Variants in RNF216 observed in about 807,000 individuals in gnomAD.
RNF216 encodes E3 ubiquitin-protein ligase RNF216.
In RNF216, 72 loss-of-function variants were observed where a neutral mutation model predicts 110.8. That is an observed-to-expected ratio of 0.65 (90% CI 0.54 to 0.79). The LOEUF is 0.79. Among genes scored for constraint, RNF216 ranks in the 30% least tolerant of loss-of-function variants. The pLI, the probability that RNF216 is intolerant of heterozygous loss-of-function variation, is 0.00. For synonymous variants in RNF216, 495 were observed against 407.5 expected (o/e 1.21, Z -2.59); for missense variants, 1,342 against 1,141.2 (o/e 1.18, Z -2.54).
chr7:5,725,976 A>G (rs1019582018), intron 7 of RNF216, among the ~76,000 whole-genome samples: 3 of 152,178 alleles, frequency 2.0e-5, no homozygotes, highest in African/African-American at 7.2e-5. Flanking sequence ...AAGAGTAACT[A>G]GGGAAAAGAA....
intron 13 of RNF216, among the ~76,000 whole-genome samples, chr7:5,656,481 T>C (rs1788752621): frequency 6.6e-6 from 1 of 152,144 alleles, no homozygotes; most frequent in African/African-American, 2.4e-5. Context: ...TCTATCCCCT[T>C]GTGCCTTTCC....
At chr7:5,639,365 A>G (rs897069547) in intron 15 of RNF216, among the ~76,000 whole-genome samples, 1 of 152,088 alleles carries the variant, frequency 6.6e-6, no homozygotes, top group Non-Finnish European at 1.5e-5. Context: ...TGGGCTGTTC[A>G]TCTCTGTACT....
chr7:5,622,612 G>A lies in RNF216; in HGVS notation c.*248C>T. 1 of 497,662 alleles carries A rather than the reference G, an allele frequency of 2.0e-6. No individual in the cohort carries two copies. The highest frequency in any genetic ancestry group is 3.2e-5 in the East Asian group (1 of 31,182). 30.8% of individuals were successfully genotyped at this position (497,662 alleles called of 1,614,324 possible). A position where few individuals can be genotyped will look rare whatever the true frequency, so the allele number is the denominator to read the frequency against. ...AAGGACTGCCGTTGGTGGCCTGGGG[G>A]ATGCGAGGGGAGGGGCAGTTCACAT... On this transcript the variant is annotated 3_prime_UTR_variant, in exon 17 of 17. Transcript: ENST00000389902.
intron 13 of RNF216, among the ~76,000 whole-genome samples, chr7:5,664,153 G>C (rs1302369464): frequency 6.6e-6 from 1 of 152,012 alleles, no homozygotes; most frequent in Non-Finnish European, 1.5e-5. Context: ...GCAGAGAGTT[G>C]TTTTTTTGTA....
chr7:5,660,862 G>A (rs1789072916), intron 13 of RNF216, among the ~76,000 whole-genome samples: 1 of 151,252 alleles, frequency 6.6e-6, no homozygotes, highest in African/African-American at 2.4e-5. Context: ...GAGCCACCAT[G>A]CCTGGCCTGG....
chr7:5,651,602 A>C (rs556537851), intron 14 of RNF216, among the ~76,000 whole-genome samples: 2 of 152,054 alleles, frequency 1.3e-5, no homozygotes, highest in East Asian at 3.9e-4. Context: ...CTAGATTGTT[A>C]TGAGAGAAGA....
At chr7:5,765,069 A>T (rs967016553) in intron 1 of RNF216, among the ~76,000 whole-genome samples, 2 of 71,308 alleles carry the variant, frequency 2.8e-5, no homozygotes, top group South Asian at 3.8e-4. Context: ...AGACTCTCTT[A>T]AAAAAAAAAA....
chr7:5,670,359 C>A (rs1010292575), intron 13 of RNF216, among the ~76,000 whole-genome samples: 1 of 152,154 alleles, frequency 6.6e-6, no homozygotes, highest in Non-Finnish European at 1.5e-5. Flanking sequence ...GAGGACCCAG[C>A]CATGTGATAG....
intron 13 of RNF216, among the ~76,000 whole-genome samples, chr7:5,695,981 G>C (rs1225225954): frequency 6.6e-6 from 1 of 152,196 alleles, no homozygotes; most frequent in Admixed American, 6.5e-5. Flanking sequence ...CACACAACAA[G>C]GATGTAGGAC....
At chr7:5,660,480 C>T (rs905968100) in intron 13 of RNF216, among the ~76,000 whole-genome samples, 4 of 151,254 alleles carry the variant, frequency 2.6e-5, no homozygotes, top group Middle Eastern at 6.8e-3. Flanking sequence ...TTAGTAGAGA[C>T]AGGGTTTCAC....
At chr7:5,671,659 G>A (rs920956013) in intron 13 of RNF216, among the ~76,000 whole-genome samples, 2 of 152,058 alleles carry the variant, frequency 1.3e-5, no homozygotes, top group African/African-American at 2.4e-5. Flanking sequence ...AAAAAAATCA[G>A]CTGGGCGCGG....
In RNF216 at chr7:5,696,906, C is replaced by T. The variant is rs116905468; in HGVS notation, c.2061+14855G>A. ...CTATATCTGATCTCTCCCTCCCTCCCACTCCCTTTCAAGGATCTACAAAAT... is the reference window on the plus strand; with the variant it reads ...CTATATCTGATCTCTCCCTCCCTCCTACTCCCTTTCAAGGATCTACAAAAT... On this transcript the variant is annotated intron_variant, in intron 13 of 16. Coordinates refer to ENST00000389902, the MANE Select transcript of RNF216 (RefSeq NM_207111.4). The surrounding 1 kb of genome is among the most constrained non-coding windows in gnomAD (Gnocchi z 5.4). Among the ~76,000 whole-genome samples the T allele has an allele frequency of 7.2e-5, 11 of 152,222 alleles. No individual in the cohort carries two copies. In the East Asian group the frequency reaches 2.1e-3, roughly 29 times the overall value.
At chr7:5,767,986 A>C (rs1171974971) in intron 1 of RNF216, among the ~76,000 whole-genome samples, 2 of 152,142 alleles carry the variant, frequency 1.3e-5, no homozygotes, top group Non-Finnish European at 2.9e-5. Flanking sequence ...AGGAGAGCCA[A>C]ATCTTAAGGG....
intron 13 of RNF216, among the ~76,000 whole-genome samples, chr7:5,709,089 C>T (rs907033296): frequency 1.3e-5 from 2 of 152,116 alleles, no homozygotes; most frequent in African/African-American, 2.4e-5. Context: ...TGGACTCATG[C>T]TCCAACTCCT....
chr7:5,632,335 G>C (rs182880878), intron 15 of RNF216, among the ~76,000 whole-genome samples: 25 of 152,290 alleles, frequency 1.6e-4, no homozygotes, highest in Non-Finnish European at 2.2e-4. Context: ...GGACCCAGCT[G>C]GCCTGAATGA....
chr7:5,643,544 C>G (rs75218133), intron 14 of RNF216, among the ~76,000 whole-genome samples: 2,844 of 152,148 alleles, frequency 0.019, 79 homozygotes, highest in African/African-American at 0.064. Context: ...CTGTGCTCAC[C>G]ACCAGCCAGT....
At chr7:5,726,785 A>C (rs1793778795) in intron 7 of RNF216, among the ~76,000 whole-genome samples, 1 of 151,888 alleles carries the variant, frequency 6.6e-6, no homozygotes, top group Non-Finnish European at 1.5e-5. Flanking sequence ...GTGAACCTGG[A>C]AAGCGGAGGT....
Position 5,622,673 on chromosome 7 carries a change from T to C in RNF216, c.*187A>G, listed in dbSNP as rs2128554240. ...TCCGAACTCCACCATTTGGGACGTC[T>C]TTATTATGGATCCGTCCACTCTTCC... On this transcript the variant is annotated 3_prime_UTR_variant, in exon 17 of 17. Transcript: ENST00000389902. 4.9e-6 allele frequency: 3 copies of C among 616,650 alleles called. No homozygotes were observed. In the East Asian group the frequency reaches 8.3e-5, roughly 17 times the overall value. 38.2% of individuals were successfully genotyped at this position (616,650 alleles called of 1,614,324 possible). A position where few individuals can be genotyped will look rare whatever the true frequency, so the allele number is the denominator to read the frequency against.
At chr7:5,665,767 C>T (rs1281721556) in intron 13 of RNF216, among the ~76,000 whole-genome samples, 1 of 152,130 alleles carries the variant, frequency 6.6e-6, no homozygotes, top group East Asian at 1.9e-4. Context: ...CCCTTAGTTA[C>T]TCAAATACAG....
Sources: gnomAD v4.1 joint callset for allele counts (sites outside exome capture counted in the v4.1 genomes callset) on GRCh38, gnomAD v4.1.1 for gene constraint, Gnocchi (gnomAD v3.1) non-coding constraint, MANE v1.5 for transcripts, NCBI Gene and HGNC (gene_info 2026-07-23, HGNC 2026-07-21) for gene names.